Variants in NHSL1 observed in about 807,000 individuals in gnomAD.
NHSL1 encodes NHS like 1, also known as NHS-like protein 1.
In NHSL1, 48 loss-of-function variants were observed where a neutral mutation model predicts 95.0. The observed-to-expected ratio is 0.51, with a 90% CI of 0.40 to 0.64. The LOEUF (loss-of-function observed/expected upper bound fraction) is 0.64. Among genes scored for constraint, NHSL1 ranks in the 30% least tolerant of loss-of-function variants. The probability of loss-of-function intolerance (pLI) is 0.00; values close to 1 mark genes in which losing one functional copy is unlikely to be tolerated. For synonymous variants in NHSL1, 783 were observed against 833.9 expected, an observed-to-expected ratio of 0.94 and a Z score of 1.05; for missense variants, 1,971 against 2,077.7, an observed-to-expected ratio of 0.95 and a Z score of 1.00.
chr6:138,424,597 G>T lies in NHSL1; in HGVS notation c.4305C>A (p.Arg1435=), dbSNP rs1365047414. ...TCTTGAGCATCTCTGCTGCAGACAT[G>T]CGGGCGCTGGTGTCTGAACGACTGC... ...KKGSRSDTSA[R]MSAAEMLKNT... The change falls in exon 8 of 8, where the codon CGC becomes CGA. Residue 1435 remains arginine, a synonymous_variant. Transcript: ENST00000343505. This position sits in a 1 kb window ranked among gnomAD's most constrained non-coding sequence, Gnocchi z 5.9. The T allele has an allele frequency of 6.4e-7, 1 of 1,551,560 alleles. No homozygotes were observed. Among genetic ancestry groups the T allele is most frequent in the Non-Finnish European group, 8.7e-7 (1 of 1,146,992 alleles).
At chr6:138,649,548 C>T (rs1429558361) in intron 1 of NHSL1, among the ~76,000 whole-genome samples, 1 of 151,898 alleles carries the variant, frequency 6.6e-6, no homozygotes, top group Non-Finnish European at 1.5e-5. Context: ...CTGATCTGCC[C>T]AACCTCTGGG....
At position 138,424,044 on chromosome 6, in the gene NHSL1, T is replaced by C; in HGVS notation, c.*37A>G. 1 of 1,345,810 alleles carries C rather than the reference T, an allele frequency of 7.4e-7. No homozygotes were observed. Among genetic ancestry groups the C allele is most frequent in the Non-Finnish European group, 9.5e-7 (1 of 1,051,804 alleles). The allele number at this position is 1,345,810 out of a possible 1,614,324, so 83.4% of individuals were successfully genotyped here. A position where few individuals can be genotyped will look rare whatever the true frequency, so the allele number is the denominator to read the frequency against. On this transcript the variant is annotated 3_prime_UTR_variant, in exon 8 of 8. Transcript: ENST00000343505. This position sits in a 1 kb window ranked among gnomAD's most constrained non-coding sequence, Gnocchi z 5.9. ...TTCCTAGAGTGCTGCATTGCTCGTC[T>C]CCCCCCGTGTCACCTGGGAGAGTTA...
chr6:138,589,218 T>C (rs1004080978), intron 1 of NHSL1, among the ~76,000 whole-genome samples: 1 of 152,206 alleles, frequency 6.6e-6, no homozygotes, highest in Admixed American at 6.5e-5. Context: ...AAGTGTATCC[T>C]GTGCGTTCAT....
upstream of NHSL1, among the ~76,000 whole-genome samples, chr6:138,501,478 T>C (rs1441752654): frequency 2.6e-5 from 4 of 152,100 alleles, no homozygotes; most frequent in African/African-American, 9.7e-5. Flanking sequence ...GTCAGGGTGG[T>C]CCTCGTGAAA....
chr6:138,434,488 T>A (rs1775940664), intron 5 of NHSL1, among the ~76,000 whole-genome samples: 1 of 149,352 alleles, frequency 6.7e-6, no homozygotes, highest in Non-Finnish European at 1.5e-5. Context: ...AAACTTTAAG[T>A]GTAAACAGTT....
chr6:138,538,012 T>C (rs1442921465), intron 1 of NHSL1, among the ~76,000 whole-genome samples: 5 of 152,164 alleles, frequency 3.3e-5, no homozygotes, highest in African/African-American at 1.2e-4. Context: ...CCAAATTCTA[T>C]CAAAATATTT....
intron 7 of NHSL1, among the ~76,000 whole-genome samples, chr6:138,427,449 GAA>G (rs1229372037): frequency 9.2e-6 from 1 of 108,346 alleles, no homozygotes; most frequent in Non-Finnish European, 2.0e-5. Context: ...GTATCAAAAA[GAA>G]AAAAAAAAAA....
intron 1 of NHSL1, among the ~76,000 whole-genome samples, chr6:138,661,920 A>C (rs1012842118): frequency 6.6e-6 from 1 of 152,040 alleles, no homozygotes; most frequent in Non-Finnish European, 1.5e-5. Flanking sequence ...AAAATTAGAA[A>C]ATAATTAGCC....
Position 138,496,277 on chromosome 6 carries a change from G to T in NHSL1, c.153C>A (p.Pro51=), listed in dbSNP as rs1480238968. The T allele has an allele frequency of 6.4e-7, 1 of 1,551,022 alleles. No homozygotes were observed. The highest frequency in any genetic ancestry group is 8.7e-7 in the Non-Finnish European group (1 of 1,146,870). The change falls in exon 2 of 8, where the codon CCC becomes CCA. Residue 51 remains proline, a synonymous_variant. Transcript: ENST00000343505. ...QENVFLPTTR[P]PCVEDLHRQA... is the part of the protein sequence containing the mutation. ...GGCGGTGCAGGTCCTCAACACAGGGGGGTCTTGTGGTGGGAAGGAACACAT... is the reference window on the plus strand; with the variant it reads ...GGCGGTGCAGGTCCTCAACACAGGGTGGTCTTGTGGTGGGAAGGAACACAT...
At chr6:138,543,672 C>T (rs563613769) in intron 1 of NHSL1, among the ~76,000 whole-genome samples, 1 of 152,312 alleles carries the variant, frequency 6.6e-6, no homozygotes, top group Admixed American at 6.5e-5. Flanking sequence ...AGCCACTTTT[C>T]CAAAGTAAGA....
At chr6:138,629,181 T>A (rs1185264447) in intron 1 of NHSL1, among the ~76,000 whole-genome samples, 1 of 152,174 alleles carries the variant, frequency 6.6e-6, no homozygotes, top group African/African-American at 2.4e-5. Context: ...AATAAAGTTA[T>A]CCTCCGAGAG....
chr6:138,575,955 C>A (rs73774837), upstream of NHSL1, among the ~76,000 whole-genome samples: 649 of 144,220 alleles, frequency 4.5e-3, 2 homozygotes, highest in African/African-American at 0.016. Context: ...GTGGAAAAAT[C>A]CCTACATTTA....
At chr6:138,609,243 G>T (rs1431910804) in intron 1 of NHSL1, among the ~76,000 whole-genome samples, 1 of 143,708 alleles carries the variant, frequency 7.0e-6, no homozygotes, top group Non-Finnish European at 1.5e-5. Flanking sequence ...TAGAAATGGT[G>T]CTGGACATGG....
At chr6:138,472,708 T>G (rs1381178279) in intron 3 of NHSL1, among the ~76,000 whole-genome samples, 2 of 152,182 alleles carry the variant, frequency 1.3e-5, no homozygotes, top group Admixed American at 1.3e-4. Flanking sequence ...ATTGAGAAAA[T>G]TACTTATCTT....
At chr6:138,643,617 A>C (rs766022856) in intron 1 of NHSL1, among the ~76,000 whole-genome samples, 55 of 152,350 alleles carry the variant, frequency 3.6e-4, no homozygotes, top group Non-Finnish European at 4.1e-4. Context: ...AACCTCTGAC[A>C]AATAGTATGC....
chr6:138,609,151 T>C (rs1456242411), intron 1 of NHSL1, among the ~76,000 whole-genome samples: 1 of 152,084 alleles, frequency 6.6e-6, no homozygotes, highest in East Asian at 1.9e-4. Context: ...TACTTACAAA[T>C]AAAGTGGCTA....
intron 1 of NHSL1, among the ~76,000 whole-genome samples, chr6:138,597,998 C>A (rs1784323188): frequency 6.6e-6 from 1 of 151,858 alleles, no homozygotes; most frequent in Admixed American, 6.6e-5. Context: ...AAACTGTCCC[C>A]CACCTTAAAA....
intron 3 of NHSL1, among the ~76,000 whole-genome samples, chr6:138,463,173 A>G (rs993386573): frequency 3.9e-5 from 6 of 152,104 alleles, no homozygotes; most frequent in Non-Finnish European, 7.4e-5. Flanking sequence ...TGCCTGGATT[A>G]TTGCAAGGGC....
At chr6:138,576,279 A>G (rs560761865), upstream of NHSL1, among the ~76,000 whole-genome samples, 26 of 152,214 alleles carry the variant, frequency 1.7e-4, no homozygotes, top group Non-Finnish European at 2.9e-4. Context: ...AGCATGACCC[A>G]CCGCTCCCCG....
Sources: gnomAD v4.1 joint callset for allele counts (sites outside exome capture counted in the v4.1 genomes callset) on GRCh38, gnomAD v4.1.1 for gene constraint, Gnocchi (gnomAD v3.1) non-coding constraint, MANE v1.5 for transcripts, NCBI Gene and HGNC (gene_info 2026-07-23, HGNC 2026-07-21) for gene names.